The following SCGB2B2 variants were observed in gnomAD, a reference collection of about 807,000 sequenced individuals.
SCGB2B2 encodes secretoglobin-like protein.
In SCGB2B2, 11 loss-of-function variants were observed where a neutral mutation model predicts 7.6. That is an observed-to-expected ratio of 1.45 (90% CI 0.91 to 2.40). The LOEUF (loss-of-function observed/expected upper bound fraction) is 2.40, where lower values mean the gene tolerates loss of function less well. SCGB2B2 is among the 30% of genes most tolerant of loss of function. SCGB2B2 has a pLI of 0.00. For missense variants in SCGB2B2, 104 were observed against 115.4 expected, an observed-to-expected ratio of 0.90 and a Z score of 0.45; for synonymous variants, 50 against 48.6, an observed-to-expected ratio of 1.03 and a Z score of -0.12.
chr19:34,672,983 G>A (rs909707858), intron 1 of SCGB2B2, among the ~76,000 whole-genome samples: 2 of 151,844 alleles, frequency 1.3e-5, no homozygotes, highest in Non-Finnish European at 2.9e-5. Flanking sequence ...CGGGGGCGGG[G>A]GACAGACATT....
intron 1 of SCGB2B2, among the ~76,000 whole-genome samples, chr19:34,603,448 G>A (rs1012965871): frequency 3.9e-5 from 6 of 152,190 alleles, no homozygotes; most frequent in African/African-American, 1.4e-4. Context: ...TCCTAATCAT[G>A]TCTTCATTCA....
At chr19:34,612,258 T>C (rs568101718) in intron 1 of SCGB2B2, among the ~76,000 whole-genome samples, 5 of 151,678 alleles carry the variant, frequency 3.3e-5, no homozygotes, top group African/African-American at 1.2e-4. Context: ...AGGATGGTCT[T>C]GATCTCCTGA....
At chr19:34,640,095 C>T (rs1335937319) in intron 1 of SCGB2B2, among the ~76,000 whole-genome samples, 1 of 152,068 alleles carries the variant, frequency 6.6e-6, no homozygotes, top group African/African-American at 2.4e-5. Context: ...TCTAACAAAA[C>T]ACTTAATAGA....
intron 1 of SCGB2B2, among the ~76,000 whole-genome samples, chr19:34,623,826 T>C (rs1870800964): frequency 6.6e-6 from 1 of 152,192 alleles, no homozygotes; most frequent in African/African-American, 2.4e-5. Context: ...GCCAATGTAG[T>C]TGTGTTTAGG....
At chr19:34,643,802 CA>C (rs1029791927) in intron 1 of SCGB2B2, among the ~76,000 whole-genome samples, 2 of 150,550 alleles carry the variant, frequency 1.3e-5, no homozygotes, top group Admixed American at 6.6e-5. Flanking sequence ...GTAAAAGTTT[CA>C]AAAAAATATT....
chr19:34,610,524 G>C (rs928419230), intron 1 of SCGB2B2, among the ~76,000 whole-genome samples: 6 of 152,098 alleles, frequency 3.9e-5, no homozygotes, highest in Non-Finnish European at 7.4e-5. Context: ...ATGAAGCATT[G>C]TTGACTTTTA....
Position 34,609,062 on chromosome 19 carries a change from T to G in SCGB2B2, c.-2031-12468A>C, listed in dbSNP as rs971533440. Among the ~76,000 whole-genome samples, 3 of 152,232 alleles carry G rather than the reference T, an allele frequency of 2.0e-5. No individual in the cohort carries two copies. The East Asian group carries it at 5.8e-4, about 29-fold the overall frequency. ...ACTGTGGTTTTGATTTGCATTTCCC[T>G]GATGACTGGCGATGTTGACCATTTG... is the stretch of plus-strand genomic sequence containing the variant. On this transcript the variant is annotated intron_variant, in intron 1 of 3. Coordinates refer to ENST00000601241, the MANE Select transcript of SCGB2B2 (RefSeq NM_001025591.4).
intron 1 of SCGB2B2, among the ~76,000 whole-genome samples, chr19:34,631,544 T>A (rs2066535438): frequency 6.6e-6 from 1 of 151,612 alleles, no homozygotes; most frequent in Admixed American, 6.6e-5. Context: ...GCATACAACA[T>A]ATACTTGAGA....
In SCGB2B2 at chr19:34,672,301, C is replaced by T. The variant is rs143698524; in HGVS notation, c.-2032+3329G>A. ...TCAAAAAATCTGTATTGGTTTTACTCGTTTTTCTCTATTGCTATTCTGTTT... is the reference window on the plus strand; with the variant it reads ...TCAAAAAATCTGTATTGGTTTTACTTGTTTTTCTCTATTGCTATTCTGTTT... On this transcript the variant is annotated intron_variant, in intron 1 of 3. Coordinates refer to ENST00000601241, the MANE Select transcript of SCGB2B2 (RefSeq NM_001025591.4). Among the ~76,000 whole-genome samples the T allele has an allele frequency of 7.3e-4, 110 of 150,710 alleles. 1 individual carries two copies. The East Asian group carries it at 0.019, about 26-fold the overall frequency.
chr19:34,669,173 G>A (rs1023719361), intron 1 of SCGB2B2, among the ~76,000 whole-genome samples: 4 of 152,062 alleles, frequency 2.6e-5, no homozygotes, highest in African/African-American at 9.7e-5. Flanking sequence ...CTCACTGCGA[G>A]GGTCCGCGAC....
chr19:34,647,096 G>A (rs543579613), intron 1 of SCGB2B2, among the ~76,000 whole-genome samples: 3 of 151,540 alleles, frequency 2.0e-5, no homozygotes, highest in Admixed American at 1.3e-4. Context: ...AGGCCTCAGC[G>A]TCCCCATAAA....
intron 1 of SCGB2B2, chr19:34,640,704 C>T (rs779938961): frequency 2.6e-5 from 4 of 152,154 alleles, no homozygotes; most frequent in African/African-American, 7.2e-5. Flanking sequence ...TCACCACTAT[C>T]GATGTCCAAA....
intron 1 of SCGB2B2, among the ~76,000 whole-genome samples, chr19:34,658,834 A>AAAAAAG (rs1555749405): frequency 1.7e-5 from 2 of 118,750 alleles, no homozygotes; most frequent in Admixed American, 8.6e-5. Context: ...AAAAAAAAAA[A>AAAAAAG]AGAGAGAGAA....
At chr19:34,603,776 A>AT (rs71165671) in intron 1 of SCGB2B2, among the ~76,000 whole-genome samples, 45,123 of 142,432 alleles carry the variant, frequency 0.32, 7,839 homozygotes, top group Middle Eastern at 0.48. Context: ...ATAATATCTT[A>AT]TTTTTTAATG....
chr19:34,620,249 T>C (rs2066202419), intron 1 of SCGB2B2, among the ~76,000 whole-genome samples: 1 of 152,138 alleles, frequency 6.6e-6, no homozygotes, highest in African/African-American at 2.4e-5. Context: ...TGTGGCACTA[T>C]TCACAATAGC....
At chr19:34,598,228 T>G (rs1242733669) in intron 1 of SCGB2B2, among the ~76,000 whole-genome samples, 1 of 151,992 alleles carries the variant, frequency 6.6e-6, no homozygotes. Context: ...CGGCACAACT[T>G]GACACAACAC....
At chr19:34,608,684 T>TATATATATATATAC (rs879668084) in intron 1 of SCGB2B2, 1,410 of 126,140 alleles carry the variant, frequency 0.011, 37 homozygotes, top group Non-Finnish European at 0.018. Context: ...TATATATATA[T>TATATATATATATAC]ACCGTATTTT....
chr19:34,624,909 G>A (rs2066328630), intron 1 of SCGB2B2, among the ~76,000 whole-genome samples: 2 of 152,152 alleles, frequency 1.3e-5, no homozygotes, highest in Admixed American at 6.5e-5. Context: ...GGGGCCCAGT[G>A]TTTTGTTTGA....
chr19:34,644,080 C>A (rs887150233), intron 1 of SCGB2B2, among the ~76,000 whole-genome samples: 8 of 152,154 alleles, frequency 5.3e-5, no homozygotes, highest in African/African-American at 9.7e-5. Context: ...GTGATTATAT[C>A]AACAACCAAA....
Sources: gnomAD v4.1 joint callset for allele counts (sites outside exome capture counted in the v4.1 genomes callset) on GRCh38, gnomAD v4.1.1 for gene constraint, MANE v1.5 for transcripts, NCBI Gene and HGNC (gene_info 2026-07-23, HGNC 2026-07-21) for gene names.